Variants in ASCC1 observed in about 807,000 individuals in gnomAD.
ASCC1 encodes ASC-1 complex subunit P50.
ASCC1 carries 35 observed loss-of-function variants against 46.6 expected under a neutral mutation model. That is an observed-to-expected ratio of 0.75 (90% confidence interval 0.57 to 0.99). The LOEUF is 0.99. ASCC1 is among the 50% of genes least tolerant of loss of function. The pLI is 0.00. For synonymous variants in ASCC1, 143 were observed against 146.6 expected, an observed-to-expected ratio of 0.98 and a Z score of 0.18; for missense variants, 376 against 428.7, an observed-to-expected ratio of 0.88 and a Z score of 1.09.
chr10:72,167,334 A>C (rs1029689841), intron 5 of ASCC1, among the ~76,000 whole-genome samples: 4 of 152,244 alleles, frequency 2.6e-5, no homozygotes, highest in African/African-American at 7.2e-5. Context: ...TATTATGCTA[A>C]ATAAAAGAAG....
chr10:72,128,177 T>C lies in ASCC1; in HGVS notation c.872-10A>G, dbSNP rs751189213. 1.9e-6 allele frequency: 3 copies of C among 1,605,886 alleles called. No homozygotes were observed. The highest frequency in any genetic ancestry group is 2.6e-6 in the Non-Finnish European group (3 of 1,172,790). On this transcript the variant is annotated splice_polypyrimidine_tract_variant and intron_variant, in intron 8 of 9. Coordinates refer to ENST00000672957, the MANE Select transcript of ASCC1 (RefSeq NM_001198800.3). ...TTGTACCTGCCTTCAGCTGTAAATA[T>C]TCCAAAGATAATGTTAGAAGCTTAG...
At chr10:72,123,392 C>T (rs1050260542) in intron 9 of ASCC1, among the ~76,000 whole-genome samples, 48 of 151,158 alleles carry the variant, frequency 3.2e-4, no homozygotes, top group Admixed American at 3.3e-4. Context: ...AAGAGGAACT[C>T]AATAGAGAAA....
intron 5 of ASCC1, among the ~76,000 whole-genome samples, chr10:72,171,147 G>A (rs528668769): frequency 6.6e-6 from 1 of 152,318 alleles, no homozygotes; most frequent in South Asian, 2.1e-4. Flanking sequence ...TTTTCTGTGA[G>A]TTTAAAACTA....
chr10:72,216,597 C>T (rs1859395910), upstream of ASCC1, among the ~76,000 whole-genome samples: 1 of 151,644 alleles, frequency 6.6e-6, no homozygotes, highest in South Asian at 2.1e-4. Context: ...TAATAATTTG[C>T]CTTTGTACTA....
intron 5 of ASCC1, among the ~76,000 whole-genome samples, chr10:72,187,051 T>G (rs1853565033): frequency 6.6e-6 from 1 of 151,944 alleles, no homozygotes; most frequent in Admixed American, 6.6e-5. Flanking sequence ...CTTCAACTAG[T>G]TTGCATTTAC....
chr10:72,166,244 T>C (rs1052657810), intron 5 of ASCC1, among the ~76,000 whole-genome samples: 1 of 152,134 alleles, frequency 6.6e-6, no homozygotes, highest in Non-Finnish European at 1.5e-5. Context: ...ATGGATCTAA[T>C]CACTAAATTA....
Position 72,096,248 on chromosome 10 carries a change from G to T in ASCC1, c.*1086C>A, listed in dbSNP as rs115934788. The stretch of plus-strand genomic sequence containing the variant: ...GAGGAGGCAGGGGTGGGAGGCTGGG[G>T]CTCCCCAGCATTCCCGCCTCCCTCT... On this transcript the variant is annotated 3_prime_UTR_variant, in exon 10 of 10. Transcript: ENST00000672957. The T allele has an allele frequency of 4.4e-6, 2 of 454,048 alleles. No homozygotes were observed. The highest frequency in any genetic ancestry group is 1.6e-5 in the South Asian group (1 of 64,458). 28.1% of individuals were successfully genotyped at this position (454,048 alleles called of 1,614,324 possible).
chr10:72,104,615 T>C (rs1025086656), intron 9 of ASCC1, among the ~76,000 whole-genome samples: 3 of 152,142 alleles, frequency 2.0e-5, no homozygotes, highest in Non-Finnish European at 4.4e-5. Flanking sequence ...GAATTTTTTC[T>C]CCTCACTGTT....
chr10:72,178,931 T>C (rs1000788897), intron 5 of ASCC1, among the ~76,000 whole-genome samples: 2 of 152,166 alleles, frequency 1.3e-5, no homozygotes, highest in African/African-American at 2.4e-5. Flanking sequence ...TATCAATTTT[T>C]TTTTTCAGAA....
At chr10:72,151,649 AC>A (rs1848344662) in intron 7 of ASCC1, among the ~76,000 whole-genome samples, 1 of 152,114 alleles carries the variant, frequency 6.6e-6, no homozygotes, top group Non-Finnish European at 1.5e-5. Flanking sequence ...TGTGCCAAGC[AC>A]TATTTTAAGC....
chr10:72,106,930 T>C (rs1391044104), intron 9 of ASCC1, among the ~76,000 whole-genome samples: 1 of 152,134 alleles, frequency 6.6e-6, no homozygotes, highest in East Asian at 1.9e-4. Context: ...ATAACAAATA[T>C]GTACCAAAGA....
chr10:72,124,095 T>C (rs1452821263), intron 9 of ASCC1, among the ~76,000 whole-genome samples: 1 of 152,224 alleles, frequency 6.6e-6, no homozygotes, highest in Non-Finnish European at 1.5e-5. Flanking sequence ...CAAAACTGAA[T>C]GAAATACTTG....
intron 4 of ASCC1, among the ~76,000 whole-genome samples, chr10:72,199,236 G>A (rs1456560773): frequency 2.0e-5 from 3 of 150,048 alleles, no homozygotes; most frequent in Admixed American, 6.7e-5. Flanking sequence ...CAATTCTCCT[G>A]CCTCAGCCTC....
At chr10:72,144,435 T>A (rs2132454887) in intron 7 of ASCC1, among the ~76,000 whole-genome samples, 1 of 152,348 alleles carries the variant, frequency 6.6e-6, no homozygotes, top group Non-Finnish European at 1.5e-5. Flanking sequence ...TATCTAATCC[T>A]ATATTTTCTT....
At chr10:72,147,189 G>A (rs1468679939) in intron 7 of ASCC1, among the ~76,000 whole-genome samples, 1 of 151,718 alleles carries the variant, frequency 6.6e-6, no homozygotes, top group Non-Finnish European at 1.5e-5. Flanking sequence ...AGCAGTACAA[G>A]AGGTGAGAAT....
intron 9 of ASCC1, chr10:72,102,457 T>C (rs536684045): frequency 1.4e-6 from 2 of 1,424,578 alleles, no homozygotes; most frequent in African/African-American, 2.8e-5. Context: ...AAAGGCTTTA[T>C]GAGCGTCCCT....
chr10:72,199,451 C>G (rs1856165440), intron 4 of ASCC1, among the ~76,000 whole-genome samples: 1 of 152,104 alleles, frequency 6.6e-6, no homozygotes, highest in Admixed American at 6.6e-5. Flanking sequence ...GTGTGCACCA[C>G]CATGCCCTGC....
At chr10:72,158,417 C>G (rs921204873) in intron 6 of ASCC1, among the ~76,000 whole-genome samples, 1 of 152,214 alleles carries the variant, frequency 6.6e-6, no homozygotes, top group African/African-American at 2.4e-5. Context: ...GCACATTTGT[C>G]AGACTCCGTA....
At chr10:72,151,456 GC>G (rs761117441) in intron 7 of ASCC1, among the ~76,000 whole-genome samples, 36 of 151,606 alleles carry the variant, frequency 2.4e-4, no homozygotes, top group South Asian at 1.7e-3. Flanking sequence ...GGTGTGGGGG[GC>G]CGGGGGAGGG....
Sources: gnomAD v4.1 joint callset for allele counts (sites outside exome capture counted in the v4.1 genomes callset) on GRCh38, gnomAD v4.1.1 for gene constraint, MANE v1.5 for transcripts, NCBI Gene and HGNC (gene_info 2026-07-23, HGNC 2026-07-21) for gene names.